The following CNMD variants were observed in gnomAD, a reference collection of about 807,000 sequenced individuals.
The protein encoded by CNMD is leukocyte cell-derived chemotaxin 1.
CNMD carries 30 observed loss-of-function variants against 37.5 expected under a neutral mutation model. The observed-to-expected ratio is 0.80, with a 90% CI of 0.60 to 1.09. The LOEUF (loss-of-function observed/expected upper bound fraction) is 1.09. CNMD is among the 50% of genes least tolerant of loss of function. CNMD has a pLI of 0.00. For synonymous variants in CNMD, 167 were observed against 148.2 expected, an observed-to-expected ratio of 1.13 and a Z score of -0.92; for missense variants, 398 against 423.9, an observed-to-expected ratio of 0.94 and a Z score of 0.54.
chr13:52,728,779 G>A (rs1034511550), intron 3 of CNMD, among the ~76,000 whole-genome samples: 6 of 152,170 alleles, frequency 3.9e-5, no homozygotes, highest in African/African-American at 1.2e-4. Context: ...GCACTGAATG[G>A]GAATCTAGTG....
At chr13:52,708,471 A>G (rs1964231054) in intron 6 of CNMD, 65 bp downstream of exon 6, 1 of 1,464,578 alleles carries the variant, frequency 6.8e-7, no homozygotes, top group Non-Finnish European at 9.3e-7. Flanking sequence ...GTAAGCCACC[A>G]CGCCCGGCCT....
chr13:52,732,745 G>A (rs76490335), intron 3 of CNMD, among the ~76,000 whole-genome samples: 9,550 of 152,164 alleles, frequency 0.063, 389 homozygotes, highest in Admixed American at 0.11. Flanking sequence ...TATTCATCAC[G>A]TTACAGAAAT....
At chr13:52,732,156 G>C (rs146546451) in intron 3 of CNMD, among the ~76,000 whole-genome samples, 29 of 152,278 alleles carry the variant, frequency 1.9e-4, no homozygotes, top group African/African-American at 4.8e-4. Context: ...AGCATCTTTA[G>C]CTTTTCTCAT....
At chr13:52,713,231 T>C (rs937432605) in intron 4 of CNMD, among the ~76,000 whole-genome samples, 1 of 152,244 alleles carries the variant, frequency 6.6e-6, no homozygotes, top group Non-Finnish European at 1.5e-5. Context: ...CTACAAAGGA[T>C]AGAGGAACCC....
At chr13:52,717,487 G>C (rs895729008) in intron 4 of CNMD, among the ~76,000 whole-genome samples, 1 of 152,130 alleles carries the variant, frequency 6.6e-6, no homozygotes, top group Non-Finnish European at 1.5e-5. Flanking sequence ...GTTTGTCATA[G>C]ATAGCTCTTA....
Position 52,739,767 on chromosome 13 carries a change from C to G in CNMD, c.-66G>C, listed in dbSNP as rs375611235. Reference sequence around the variant, plus strand: ...GCACCCTGGGATCTGTCCCGCTGCCCCGACGTGCAGGGCATTTCAACGCCG... The same window carrying G: ...GCACCCTGGGATCTGTCCCGCTGCCGCGACGTGCAGGGCATTTCAACGCCG... On this transcript the variant is annotated 5_prime_UTR_variant, in exon 1 of 7. Transcript: ENST00000377962. This position sits in a 1 kb window ranked among gnomAD's most constrained non-coding sequence, Gnocchi z 5.4. 14 of 1,428,424 alleles carry G rather than the reference C, an allele frequency of 9.8e-6. No individual in the cohort carries two copies. Among genetic ancestry groups the G allele is most frequent in the East Asian group, 6.9e-5 (3 of 43,618 alleles). 88.5% of individuals were successfully genotyped at this position (1,428,424 alleles called of 1,614,324 possible).
chr13:52,728,069 T>C (rs1964604305), intron 3 of CNMD, among the ~76,000 whole-genome samples: 1 of 152,144 alleles, frequency 6.6e-6, no homozygotes, highest in African/African-American at 2.4e-5. Context: ...TAAAATATTA[T>C]GTAACAATTT....
At chr13:52,725,298 A>G (rs1964553361) in intron 3 of CNMD, among the ~76,000 whole-genome samples, 1 of 152,198 alleles carries the variant, frequency 6.6e-6, no homozygotes, top group Admixed American at 6.5e-5. Context: ...GCTATTCAAA[A>G]GATGTTGGTC....
In CNMD at chr13:52,708,463, A is replaced by G. The variant is rs375593619; in HGVS notation, c.789+73T>C. 8.6e-5 allele frequency: 121 copies of G among 1,399,036 alleles called. No homozygotes were observed. The East Asian group carries it at 2.1e-3, about 24-fold the overall frequency. The allele number at this position is 1,399,036 out of a possible 1,614,324, so 86.7% of individuals were successfully genotyped here. ...CCCAAAGTGCTAGGATTACAGGCGT[A>G]AGCCACCACGCCCGGCCTTGGCACT... is the stretch of plus-strand genomic sequence containing the variant. On this transcript the variant is annotated intron_variant, in intron 6 of 6. Coordinates refer to ENST00000377962, the MANE Select transcript of CNMD (RefSeq NM_007015.3).
intron 5 of CNMD, among the ~76,000 whole-genome samples, chr13:52,712,508 A>G (rs904704066): frequency 3.3e-5 from 5 of 152,006 alleles, no homozygotes; most frequent in African/African-American, 1.2e-4. Flanking sequence ...CCTCCTGTTA[A>G]CCCTACTGCT....
chr13:52,737,182 G>C (rs1400777963), intron 2 of CNMD, among the ~76,000 whole-genome samples: 2 of 152,010 alleles, frequency 1.3e-5, no homozygotes, highest in South Asian at 4.1e-4. Flanking sequence ...TTTTGATTAC[G>C]TTTTGTCTGA....
intron 5 of CNMD, among the ~76,000 whole-genome samples, chr13:52,709,619 C>G (rs188633898): frequency 2.1e-4 from 32 of 152,322 alleles, no homozygotes; most frequent in African/African-American, 6.7e-4. Flanking sequence ...TGCGAACTCC[C>G]TGGCTCTAGT....
intron 5 of CNMD, among the ~76,000 whole-genome samples, chr13:52,709,232 T>A (rs1368956610): frequency 6.6e-6 from 1 of 152,118 alleles, no homozygotes; most frequent in Non-Finnish European, 1.5e-5. Flanking sequence ...GACTATGAAG[T>A]GATAGGCACC....
chr13:52,705,621 T>C (rs1964161303), intron 6 of CNMD, among the ~76,000 whole-genome samples: 1 of 152,106 alleles, frequency 6.6e-6, no homozygotes, highest in Admixed American at 6.6e-5. Context: ...GATTGAAAGG[T>C]TGGGAGGAAA....
chr13:52,708,531 C>T lies in CNMD; in HGVS notation c.789+5G>A, dbSNP rs368225741. 53 of 1,603,444 alleles carry T rather than the reference C, an allele frequency of 3.3e-5. No homozygotes were observed. The highest frequency in any genetic ancestry group is 1.7e-4 in the Middle Eastern group (1 of 6,030). Reference sequence around the variant, plus strand: ...CTAATCATGTCAAAAAGCACCGGAACGCACATGATAAGGATTATCAGGATT... The same window carrying T: ...CTAATCATGTCAAAAAGCACCGGAATGCACATGATAAGGATTATCAGGATT... On this transcript the variant is annotated splice_donor_5th_base_variant and intron_variant, in intron 6 of 6. Transcript: ENST00000377962.
chr13:52,738,964 G>C (rs1217440122), intron 2 of CNMD, 67 bp downstream of exon 2: 4 of 1,372,430 alleles, frequency 2.9e-6, no homozygotes, highest in Non-Finnish European at 3.8e-6. Flanking sequence ...GCCGGCCCGC[G>C]CTCGGGCTCC....
chr13:52,705,655 T>C (rs7984073), intron 6 of CNMD, among the ~76,000 whole-genome samples: 151,705 of 152,340 alleles, frequency 1, 75,538 homozygotes, highest in Middle Eastern at 1. Flanking sequence ...CCCTAAGATA[T>C]GTTTTTTAAA....
intron 4 of CNMD, among the ~76,000 whole-genome samples, chr13:52,719,711 G>C (rs1964448743): frequency 6.6e-6 from 1 of 152,182 alleles, no homozygotes; most frequent in African/African-American, 2.4e-5. Context: ...AGTCTGATGG[G>C]CTTCCCTTTG....
chr13:52,729,980 AC>A (rs1350609549), intron 3 of CNMD, among the ~76,000 whole-genome samples: 2 of 96,718 alleles, frequency 2.1e-5, no homozygotes, highest in East Asian at 7.5e-4. Context: ...CCCTCCCCCC[AC>A]CCCACAGCAG....
Sources: gnomAD v4.1 joint callset for allele counts (sites outside exome capture counted in the v4.1 genomes callset) on GRCh38, gnomAD v4.1.1 for gene constraint, Gnocchi (gnomAD v3.1) non-coding constraint, MANE v1.5 for transcripts, NCBI Gene and HGNC (gene_info 2026-07-23, HGNC 2026-07-21) for gene names.